The following SPMIP2 variants were observed in gnomAD, a reference collection of about 807,000 sequenced individuals.
The protein encoded by SPMIP2 is protein SPMIP2.
chr4:159,011,752 C>A, the SPMIP2 span, among the ~76,000 whole-genome samples: 1 of 66,710 alleles, frequency 1.5e-5, no homozygotes, highest in African/African-American at 6.5e-5. Context: ...GAAACTCCAT[C>A]CCAAAAAAAA....
the SPMIP2 span, among the ~76,000 whole-genome samples, chr4:159,050,204 A>ATT: frequency 2.4e-3 from 277 of 114,470 alleles, no homozygotes; most frequent in African/African-American, 8.6e-3. Flanking sequence ...CCACCACTGT[A>ATT]TTTTTTTTTT....
the SPMIP2 span, among the ~76,000 whole-genome samples, chr4:158,943,819 C>G: frequency 6.6e-6 from 1 of 151,036 alleles, no homozygotes. Context: ...AAATCCTACA[C>G]TTGGCCCTTC....
chr4:158,977,193 C>G, the SPMIP2 span, among the ~76,000 whole-genome samples: 13 of 152,132 alleles, frequency 8.5e-5, no homozygotes, highest in Admixed American at 3.9e-4. Flanking sequence ...TTTGCACCCC[C>G]CTGGTAGAAT....
the SPMIP2 span, among the ~76,000 whole-genome samples, chr4:159,079,497 C>T: frequency 4.6e-5 from 7 of 152,300 alleles, no homozygotes; most frequent in African/African-American, 1.7e-4. Flanking sequence ...CTACCCAGTT[C>T]CAGGTATTTT....
the SPMIP2 span, among the ~76,000 whole-genome samples, chr4:159,048,804 A>G: frequency 1.3e-5 from 2 of 148,198 alleles, no homozygotes; most frequent in African/African-American, 5.0e-5. Flanking sequence ...TCTAGGCTCA[A>G]GTGATCCTCC....
the SPMIP2 span, among the ~76,000 whole-genome samples, chr4:159,022,589 A>C: frequency 6.0e-5 from 9 of 150,294 alleles, no homozygotes; most frequent in African/African-American, 1.5e-4. Flanking sequence ...CCTAGGCCCC[A>C]AAAAACAATT....
chr4:158,960,334 A>C, the SPMIP2 span: 1 of 1,562,614 alleles, frequency 6.4e-7, no homozygotes, highest in Non-Finnish European at 8.8e-7. Context: ...AGCTTGACTT[A>C]GTTCTTCATA....
At chr4:159,018,190 T>G in the SPMIP2 span, among the ~76,000 whole-genome samples, 100,378 of 152,126 alleles carry the variant, frequency 0.66, 33,533 homozygotes, top group Middle Eastern at 0.75. Context: ...GGAGTTCACT[T>G]TGGACGTGGC....
the SPMIP2 span, among the ~76,000 whole-genome samples, chr4:159,016,890 A>G: frequency 1.6e-4 from 25 of 152,190 alleles, no homozygotes; most frequent in Non-Finnish European, 3.4e-4. Flanking sequence ...CTAGAAAGCA[A>G]ATCTCTGTCT....
the SPMIP2 span, among the ~76,000 whole-genome samples, chr4:158,914,608 T>C: frequency 6.6e-6 from 1 of 152,214 alleles, no homozygotes; most frequent in African/African-American, 2.4e-5. Flanking sequence ...GCGTATGGTT[T>C]GTACACAGAC....
the SPMIP2 span, among the ~76,000 whole-genome samples, chr4:159,052,020 A>C: frequency 4.6e-4 from 70 of 152,222 alleles, 1 homozygote; most frequent in Admixed American, 4.6e-4. Context: ...GATGCTAAAA[A>C]AAAAACAAAA....
chr4:158,962,677 A>G, the SPMIP2 span, among the ~76,000 whole-genome samples: 1 of 152,212 alleles, frequency 6.6e-6, no homozygotes, highest in African/African-American at 2.4e-5. Context: ...CAGGGTCACC[A>G]AATTGCATAA....
chr4:158,997,342 T>C, the SPMIP2 span, among the ~76,000 whole-genome samples: 1 of 151,448 alleles, frequency 6.6e-6, no homozygotes, highest in Admixed American at 6.6e-5. Flanking sequence ...GCGATTCTCC[T>C]GCCTCAGCCT....
chr4:159,011,530 T>C, the SPMIP2 span, among the ~76,000 whole-genome samples: 2 of 151,842 alleles, frequency 1.3e-5, no homozygotes, highest in Non-Finnish European at 2.9e-5. Context: ...GTGGGGTGGT[T>C]CACCTGAGGT....
chr4:159,005,008 G>A, the SPMIP2 span, among the ~76,000 whole-genome samples: 51,397 of 151,612 alleles, frequency 0.34, 9,301 homozygotes, highest in Middle Eastern at 0.41. Context: ...CGAGGCAAGC[G>A]GATCATGAGG....
the SPMIP2 span, among the ~76,000 whole-genome samples, chr4:159,016,550 G>A: frequency 6.6e-6 from 1 of 152,138 alleles, no homozygotes; most frequent in Non-Finnish European, 1.5e-5. Context: ...GATTAAGTTG[G>A]TTATTTATTT....
At chr4:158,999,007 T>C in the SPMIP2 span, among the ~76,000 whole-genome samples, 5 of 152,120 alleles carry the variant, frequency 3.3e-5, no homozygotes, top group South Asian at 1.0e-3. Flanking sequence ...AAAAAAAATT[T>C]TTTTTAATTA....
chr4:158,958,317 A>G, the SPMIP2 span, among the ~76,000 whole-genome samples: 2 of 152,132 alleles, frequency 1.3e-5, no homozygotes, highest in East Asian at 3.8e-4. Flanking sequence ...ATTTGTAGAG[A>G]TGGGGTTTCG....
the SPMIP2 span, among the ~76,000 whole-genome samples, chr4:158,975,374 A>T: frequency 1.3e-5 from 2 of 152,160 alleles, no homozygotes; most frequent in African/African-American, 4.8e-5. Flanking sequence ...ATATTTGCCC[A>T]TGCCTATGTC....
Sources: allele counts gnomAD v4.1 joint callset (sites outside exome capture counted in the v4.1 genomes callset), GRCh38; gene constraint gnomAD v4.1.1; transcripts MANE v1.5; gene names NCBI Gene and HGNC (gene_info 2026-07-23, HGNC 2026-07-21).